Variants in PCDHA1 observed in about 807,000 individuals in gnomAD.
PCDHA1 encodes protocadherin alpha-1.
A neutral mutation model predicts 61.3 loss-of-function variants in PCDHA1; 42 were observed. The ratio of observed to expected loss-of-function variants is 0.69; its 90% CI spans 0.54 to 0.89. The LOEUF (loss-of-function observed/expected upper bound fraction) is 0.89. PCDHA1 is among the 40% of genes least tolerant of loss of function. The pLI, the probability that PCDHA1 is intolerant of heterozygous loss-of-function variation, is 0.00. For missense variants in PCDHA1, 1,256 were observed against 1,235.3 expected (o/e 1.02, Z -0.25); for synonymous variants, 610 against 553.8 (o/e 1.10, Z -1.43).
intron 1 of PCDHA1, chr5:140,857,490 C>T (rs1554150112): frequency 1.3e-6 from 2 of 1,598,382 alleles, no homozygotes; most frequent in East Asian, 4.5e-5. Context: ...GCGTGGGACG[C>T]GGACGCGCAG....
At chr5:140,848,361 A>G in intron 1 of PCDHA1, 1 of 1,069,062 alleles carries the variant, frequency 9.4e-7, no homozygotes, top group East Asian at 2.4e-5. Context: ...TTCCCATGGG[A>G]AAGAGGCTCA....
intron 1 of PCDHA1, chr5:140,860,456 A>T (rs2046407427): frequency 6.6e-6 from 1 of 152,196 alleles, no homozygotes; most frequent in Non-Finnish European, 1.5e-5. Context: ...AATTCACGTG[A>T]TAATACAGTT....
chr5:140,981,985 G>C (rs1554243637), intron 2 of PCDHA1, among the ~76,000 whole-genome samples: 1 of 152,162 alleles, frequency 6.6e-6, no homozygotes, highest in Non-Finnish European at 1.5e-5. Context: ...GAGTAAAATA[G>C]AAAATAAGGT....
intron 1 of PCDHA1, chr5:140,928,137 C>A (rs537220203): frequency 6.2e-7 from 1 of 1,614,182 alleles, no homozygotes; most frequent in South Asian, 1.1e-5. Flanking sequence ...AAGTCCTGAT[C>A]ACGGCCTCAG....
At chr5:140,843,005 G>T in intron 1 of PCDHA1, 1 of 1,595,030 alleles carries the variant, frequency 6.3e-7, no homozygotes, top group East Asian at 2.2e-5. Flanking sequence ...GAATGACAAC[G>T]CGCCGGCACT....
intron 1 of PCDHA1, chr5:140,875,945 CT>C (rs782069405): frequency 6.2e-7 from 1 of 1,614,144 alleles, no homozygotes; most frequent in South Asian, 1.1e-5. Flanking sequence ...GAGGGCGCTT[CT>C]GATGCGGATA....
At chr5:140,870,944 C>G in intron 1 of PCDHA1, 1 of 1,613,658 alleles carries the variant, frequency 6.2e-7, no homozygotes, top group Middle Eastern at 1.7e-4. Context: ...CAGCCGGCGG[C>G]GGGCGGCTCG....
At chr5:140,884,588 C>G (rs1554181766) in intron 1 of PCDHA1, 1 of 1,614,152 alleles carries the variant, frequency 6.2e-7, no homozygotes, top group East Asian at 2.2e-5. Context: ...GGCCTTCAGT[C>G]CCAGCCTTCC....
At chr5:140,887,538 A>AC (rs1554183096) in intron 1 of PCDHA1, among the ~76,000 whole-genome samples, 1 of 151,216 alleles carries the variant, frequency 6.6e-6, no homozygotes, top group Admixed American at 6.6e-5. Flanking sequence ...TCCTCTCCCC[A>AC]CCCCTCATGG....
chr5:140,978,791 A>T (rs1443899144), intron 1 of PCDHA1, 158 bp from the exon 2 acceptor site: 1 of 976,042 alleles, frequency 1.0e-6, no homozygotes, highest in South Asian at 4.7e-5. Flanking sequence ...AAAGTGCTAT[A>T]TATGTAGATA....
chr5:140,807,873 T>C, intron 1 of PCDHA1: 2 of 1,614,088 alleles, frequency 1.2e-6, no homozygotes, highest in Non-Finnish European at 1.7e-6. Context: ...GTTCAGTTAC[T>C]CATCACAGTA....
At position 140,801,058 on chromosome 5, in the gene PCDHA1, T is replaced by C. The variant is rs1027075969; in HGVS notation, c.2394+12374T>C. 7.6e-6 allele frequency: 11 copies of C among 1,449,882 alleles called. No individual in the cohort carries two copies. In the African/African-American group the frequency reaches 1.4e-4, roughly 19 times the overall value. The allele number at this position is 1,449,882 out of a possible 1,614,324, so 89.8% of individuals were successfully genotyped here. On this transcript the variant is annotated intron_variant, in intron 1 of 3. Transcript: ENST00000504120. ...TCCACAAAAGAAATAACAGCGTGCA[T>C]TACGTATTCAGATACTGCTTTGCTT...
In PCDHA1 at chr5:140,980,214, C is replaced by T. The variant is rs2096880494; in HGVS notation, c.2453+1207C>T. 2.0e-5 allele frequency among the ~76,000 whole-genome samples: 3 copies of T among 152,212 alleles called. No homozygotes were observed. The South Asian group carries it at 6.2e-4, about 31-fold the overall frequency. The stretch of plus-strand genomic sequence containing the variant: ...ATTAGAGACCAACTTGTGCTTTTGC[C>T]TGCATCTGAGCTGTTGGTGGAGACA... On this transcript the variant is annotated intron_variant, in intron 2 of 3. Transcript: ENST00000504120.
intron 1 of PCDHA1, chr5:140,858,353 G>A (rs782457995): frequency 6.3e-7 from 1 of 1,593,918 alleles, no homozygotes; most frequent in Non-Finnish European, 8.6e-7. Context: ...GGACCTCATG[G>A]CCTTCAGCCC....
intron 1 of PCDHA1, chr5:140,803,846 C>T (rs559372667): frequency 5.0e-6 from 3 of 598,242 alleles, no homozygotes; most frequent in Non-Finnish European, 8.6e-6. Flanking sequence ...TATTTTATTG[C>T]TAAATGCCTG....
At chr5:140,805,071 C>T in intron 1 of PCDHA1, 1 of 1,593,310 alleles carries the variant, frequency 6.3e-7, no homozygotes, top group Non-Finnish European at 8.5e-7. Flanking sequence ...TATGGAACTT[C>T]AATCTTCAAA....
intron 1 of PCDHA1, chr5:140,836,819 C>T (rs1774763435): frequency 1.8e-6 from 2 of 1,113,462 alleles, no homozygotes; most frequent in African/African-American, 1.6e-5. Context: ...TTCATAATTT[C>T]TTTTTTAGTT....
chr5:140,909,684 G>A (rs2074634664), intron 1 of PCDHA1, among the ~76,000 whole-genome samples: 1 of 152,220 alleles, frequency 6.6e-6, no homozygotes, highest in Non-Finnish European at 1.5e-5. Context: ...GGGAGCCAAT[G>A]TGGGGGTTCT....
chr5:140,796,720 G>A, intron 1 of PCDHA1: 2 of 1,614,082 alleles, frequency 1.2e-6, no homozygotes, highest in South Asian at 1.1e-5. Context: ...GTGGTCGGTG[G>A]GTGCAGGGCA....
Sources: gnomAD v4.1 joint callset for allele counts (sites outside exome capture counted in the v4.1 genomes callset) on GRCh38, gnomAD v4.1.1 for gene constraint, MANE v1.5 for transcripts, NCBI Gene and HGNC (gene_info 2026-07-23, HGNC 2026-07-21) for gene names.